Variants in NICOL1 observed in about 807,000 individuals in gnomAD.
NICOL1 encodes NELL2-interacting cell ontogeny regulator 1.
At chr4:2,039,764 C>T in the NICOL1 span, among the ~76,000 whole-genome samples, 16 of 152,208 alleles carry the variant, frequency 1.1e-4, no homozygotes, top group South Asian at 2.5e-3. Flanking sequence ...CACTTGAACC[C>T]GGGAGGTGGA....
chr4:2,042,749 G>C, the NICOL1 span: 5 of 1,516,324 alleles, frequency 3.3e-6, no homozygotes, highest in Non-Finnish European at 4.4e-6. Context: ...GCCCATGCGT[G>C]GACTGCCACG....
At chr4:2,037,252 T>G in the NICOL1 span, among the ~76,000 whole-genome samples, 1 of 152,172 alleles carries the variant, frequency 6.6e-6, no homozygotes, top group African/African-American at 2.4e-5. Context: ...AGGAAACCCT[T>G]TCTTCATAAA....
chr4:2,039,813 C>T, the NICOL1 span, among the ~76,000 whole-genome samples: 1 of 152,138 alleles, frequency 6.6e-6, no homozygotes, highest in Non-Finnish European at 1.5e-5. Flanking sequence ...GCACTCCAGA[C>T]TGGGTAACAG....
At chr4:2,041,236 G>T in the NICOL1 span, among the ~76,000 whole-genome samples, 1 of 152,066 alleles carries the variant, frequency 6.6e-6, no homozygotes, top group African/African-American at 2.4e-5. Flanking sequence ...CGGCGTGGGG[G>T]CCTGGCTCCG....
chr4:2,041,999 G>C, the NICOL1 span: 4 of 1,469,378 alleles, frequency 2.7e-6, no homozygotes, highest in Non-Finnish European at 3.6e-6. Flanking sequence ...GAGCGCATGC[G>C]CGTTGCGCGC....
chr4:2,041,680 C>T, the NICOL1 span: 1 of 321,820 alleles, frequency 3.1e-6, no homozygotes, highest in East Asian at 4.9e-5. Flanking sequence ...CCGCGCCTCG[C>T]GAGCATCGAG....
the NICOL1 span, among the ~76,000 whole-genome samples, chr4:2,040,957 C>T: frequency 6.6e-6 from 1 of 151,878 alleles, no homozygotes; most frequent in African/African-American, 2.4e-5. Flanking sequence ...GGGAAGACCA[C>T]CGGCCAGAAC....
the NICOL1 span, chr4:2,042,704 GC>G: frequency 7.7e-7 from 1 of 1,306,866 alleles, no homozygotes; most frequent in South Asian, 1.4e-5. Context: ...CCCCCCCTGC[GC>G]CCCCTCCACC....
chr4:2,041,983 G>A, the NICOL1 span: 7 of 1,457,272 alleles, frequency 4.8e-6, no homozygotes, highest in East Asian at 5.9e-5. Context: ...GGGCGGGGTC[G>A]GGTCGGAGCG....
the NICOL1 span, chr4:2,042,795 C>T: frequency 2.0e-6 from 3 of 1,515,472 alleles, no homozygotes; most frequent in East Asian, 2.6e-5. Flanking sequence ...GCAGGACCTG[C>T]GGAAGACAGC....
the NICOL1 span, among the ~76,000 whole-genome samples, chr4:2,038,284 T>TATATATATAA: frequency 8.7e-6 from 1 of 114,880 alleles, no homozygotes; most frequent in Non-Finnish European, 1.8e-5. Flanking sequence ...TATATATATA[T>TATATATATAA]AAAATTAAAA....
chr4:2,041,703 G>T, the NICOL1 span: 1 of 370,500 alleles, frequency 2.7e-6, no homozygotes, highest in Non-Finnish European at 4.8e-6. Context: ...GCTCCCTCAG[G>T]ATCGCTCCTG....
the NICOL1 span, chr4:2,042,235 T>G: frequency 4.0e-6 from 4 of 991,018 alleles, no homozygotes; most frequent in Non-Finnish European, 5.1e-6. Context: ...GCCTGGGGCT[T>G]GGACAAGGGT....
chr4:2,041,852 C>G, the NICOL1 span: 3 of 886,722 alleles, frequency 3.4e-6, no homozygotes, highest in African/African-American at 3.6e-5. Flanking sequence ...GGACGCTGCT[C>G]CCGGGGGCAG....
At chr4:2,043,369 C>T in the NICOL1 span, among the ~76,000 whole-genome samples, 1 of 152,170 alleles carries the variant, frequency 6.6e-6, no homozygotes, top group East Asian at 1.9e-4. Context: ...GGGGCTCAAG[C>T]TTCTTCCTGG....
At chr4:2,037,852 T>C in the NICOL1 span, among the ~76,000 whole-genome samples, 1 of 151,558 alleles carries the variant, frequency 6.6e-6, no homozygotes, top group Non-Finnish European at 1.5e-5. Context: ...AAAGACTACA[T>C]ATATTTAGGT....
chr4:2,040,118 A>AT, the NICOL1 span, among the ~76,000 whole-genome samples: 4 of 151,818 alleles, frequency 2.6e-5, no homozygotes, highest in Admixed American at 2.0e-4. Context: ...ATATATATAT[A>AT]TTTTTTGAGA....
the NICOL1 span, chr4:2,041,805 T>C: frequency 1.8e-6 from 1 of 550,112 alleles, no homozygotes; most frequent in Non-Finnish European, 2.9e-6. Flanking sequence ...CGCCGCCTCC[T>C]CCAGGCAGTC....
the NICOL1 span, among the ~76,000 whole-genome samples, chr4:2,043,292 C>T: frequency 2.0e-5 from 3 of 152,148 alleles, no homozygotes; most frequent in South Asian, 6.2e-4. Context: ...GTTAAGGCCC[C>T]TCCAAGCCTG....
Sources: allele counts gnomAD v4.1 joint callset (sites outside exome capture counted in the v4.1 genomes callset), GRCh38; gene constraint gnomAD v4.1.1; transcripts MANE v1.5; gene names NCBI Gene and HGNC (gene_info 2026-07-23, HGNC 2026-07-21).